The following UMAD1 variants were observed in gnomAD, a reference collection of about 807,000 sequenced individuals.
UMAD1 encodes the protein UBAP1-MVB12-associated (UMA)-domain containing protein 1.
Under a neutral mutation model 6.1 loss-of-function variants are expected in UMAD1, and 8 were observed. The observed-to-expected ratio is 1.30, with a 90% CI of 0.76 to 2.35. UMAD1 has a LOEUF of 2.35. Ranked by LOEUF, UMAD1 falls within the 30% of genes most tolerant of loss-of-function variation. UMAD1 has a pLI of 0.00. For synonymous variants in UMAD1, 56 were observed against 31.4 expected (o/e 1.78, Z -2.61); for missense variants, 130 against 78.4 (o/e 1.66, Z -2.49).
At chr7:7,780,438 A>T (rs866702725) in intron 2 of UMAD1, among the ~76,000 whole-genome samples, 42 of 152,256 alleles carry the variant, frequency 2.8e-4, no homozygotes, top group African/African-American at 9.9e-4. Context: ...TTTTTTTCCT[A>T]CTTTAATATT....
chr7:7,712,576 A>T (rs1321279949), intron 2 of UMAD1, among the ~76,000 whole-genome samples: 1 of 152,172 alleles, frequency 6.6e-6, no homozygotes, highest in Non-Finnish European at 1.5e-5. Context: ...CCCATAATTC[A>T]TCTTTAGATT....
At chr7:7,693,581 TA>T (rs1166515692) in intron 2 of UMAD1, among the ~76,000 whole-genome samples, 45 of 152,160 alleles carry the variant, frequency 3.0e-4, no homozygotes, top group Admixed American at 9.8e-4. Context: ...AGGCATCCTT[TA>T]AACATTAAGG....
At chr7:7,839,943 T>A (rs1163330716) in intron 3 of UMAD1, among the ~76,000 whole-genome samples, 1 of 152,116 alleles carries the variant, frequency 6.6e-6, no homozygotes, top group Non-Finnish European at 1.5e-5. Context: ...TGGCAGAAAA[T>A]TGGGCTTAAC....
At chr7:7,775,658 T>C (rs1007249106) in intron 2 of UMAD1, among the ~76,000 whole-genome samples, 12 of 152,138 alleles carry the variant, frequency 7.9e-5, no homozygotes, top group African/African-American at 2.9e-4. Context: ...CCATACCAAA[T>C]GTTGATGAGG....
intron 2 of UMAD1, among the ~76,000 whole-genome samples, chr7:7,739,208 A>T (rs1303756833): frequency 1.3e-5 from 2 of 152,248 alleles, no homozygotes; most frequent in African/African-American, 4.8e-5. Flanking sequence ...CAGACCACAG[A>T]TGAGTACACG....
intron 3 of UMAD1, among the ~76,000 whole-genome samples, chr7:7,869,917 A>T (rs1784304789): frequency 6.6e-6 from 1 of 152,222 alleles, no homozygotes; most frequent in Non-Finnish European, 1.5e-5. Flanking sequence ...CCCTTTGCTG[A>T]AAAGTGTTAT....
intron 2 of UMAD1, among the ~76,000 whole-genome samples, chr7:7,760,905 T>C (rs1211553278): frequency 6.6e-6 from 1 of 152,164 alleles, no homozygotes; most frequent in Non-Finnish European, 1.5e-5. Flanking sequence ...GCTTGTGGGA[T>C]GGACTGAAGT....
chr7:7,644,805 G>C (rs1437857966), intron 1 of UMAD1, among the ~76,000 whole-genome samples: 1 of 152,052 alleles, frequency 6.6e-6, no homozygotes, highest in Non-Finnish European at 1.5e-5. Flanking sequence ...GGTTATTTTT[G>C]TCTCTTTGCT....
intron 2 of UMAD1, among the ~76,000 whole-genome samples, chr7:7,758,369 G>A (rs1005870611): frequency 4.6e-5 from 7 of 151,962 alleles, no homozygotes; most frequent in African/African-American, 7.3e-5. Flanking sequence ...TTTTTATAGC[G>A]AAGATCTTAA....
intron 2 of UMAD1, among the ~76,000 whole-genome samples, chr7:7,768,026 T>C (rs1403341372): frequency 1.3e-5 from 2 of 152,198 alleles, no homozygotes; most frequent in Admixed American, 6.5e-5. Flanking sequence ...TTTTTTCTTA[T>C]TCATGACTTT....
At chr7:7,663,600 T>C (rs1007306751) in intron 1 of UMAD1, among the ~76,000 whole-genome samples, 10 of 151,860 alleles carry the variant, frequency 6.6e-5, no homozygotes, top group Middle Eastern at 3.4e-3. Context: ...ATCAGGTCTC[T>C]ACTATGAATC....
At chr7:7,680,329 G>T (rs964291795) in intron 2 of UMAD1, among the ~76,000 whole-genome samples, 2 of 152,066 alleles carry the variant, frequency 1.3e-5, no homozygotes, top group African/African-American at 2.4e-5. Context: ...TGGCACCCTT[G>T]TTGAAAATGA....
chr7:7,777,574 AATAT>A (rs58039932), intron 2 of UMAD1, among the ~76,000 whole-genome samples: 34,604 of 113,498 alleles, frequency 0.3, 6,110 homozygotes, highest in Middle Eastern at 0.4. Context: ...TACATGAGCA[AATAT>A]ATATATATAT....
chr7:7,714,943 A>AAAC (rs920648661), intron 2 of UMAD1, among the ~76,000 whole-genome samples: 92 of 151,530 alleles, frequency 6.1e-4, no homozygotes, highest in African/African-American at 8.7e-4. Flanking sequence ...CACTAGAATT[A>AAAC]AACAACAACA....
At chr7:7,666,813 T>C (rs1779471105) in intron 1 of UMAD1, among the ~76,000 whole-genome samples, 1 of 152,118 alleles carries the variant, frequency 6.6e-6, no homozygotes, top group Admixed American at 6.5e-5. Context: ...TATTTATTTA[T>C]TTATTGTTTG....
At chr7:7,831,528 G>T (rs1323385253) in intron 3 of UMAD1, among the ~76,000 whole-genome samples, 1 of 152,132 alleles carries the variant, frequency 6.6e-6, no homozygotes, top group Non-Finnish European at 1.5e-5. Context: ...TCTGAAATTG[G>T]ATTACTTAGT....
intron 2 of UMAD1, among the ~76,000 whole-genome samples, chr7:7,751,532 G>C (rs553860617): frequency 6.6e-6 from 1 of 152,272 alleles, no homozygotes; most frequent in East Asian, 1.9e-4. Flanking sequence ...AACTAAATTA[G>C]ACTTTGCACT....
In UMAD1 at chr7:7,806,605, AGTT is replaced by A. The variant is rs536382423; in HGVS notation, c.156+4865_156+4867del. Among the ~76,000 whole-genome samples, 411 of 152,342 alleles carry A rather than the reference AGTT, an allele frequency of 2.7e-3. 1 individual carries two copies. The highest frequency in any genetic ancestry group is 0.014 in the Middle Eastern group (4 of 294). On this transcript the variant is annotated intron_variant, in intron 3 of 3. Coordinates refer to ENST00000682710, the MANE Select transcript of UMAD1 (RefSeq NM_001302348.2). The stretch of plus-strand genomic sequence containing the variant: ...TTTCTACTTTACATAATAAACAGAC[AGTT>A]GTATCTTTTCTCACCATAAAAAAAT...
intron 2 of UMAD1, among the ~76,000 whole-genome samples, chr7:7,778,651 A>G (rs536567832): frequency 1.3e-5 from 2 of 152,208 alleles, no homozygotes; most frequent in East Asian, 1.9e-4. Context: ...CATGGCCTCA[A>G]GTGATCCTCC....
Sources: gnomAD v4.1 joint callset for allele counts (sites outside exome capture counted in the v4.1 genomes callset) on GRCh38, gnomAD v4.1.1 for gene constraint, MANE v1.5 for transcripts, NCBI Gene and HGNC (gene_info 2026-07-23, HGNC 2026-07-21) for gene names.